The following DYNC2I1 variants were observed in gnomAD, a reference collection of about 807,000 sequenced individuals.
DYNC2I1 encodes dynein 2 intermediate chain 1.
DYNC2I1 carries 89 observed loss-of-function variants against 133.4 expected under a neutral mutation model. That is an observed-to-expected ratio of 0.67 (90% confidence interval 0.56 to 0.80). DYNC2I1 has a LOEUF of 0.80. Among genes scored for constraint, DYNC2I1 ranks in the 30% least tolerant of loss-of-function variants. The probability of loss-of-function intolerance (pLI) is 0.00; values close to 1 mark genes in which losing one functional copy is unlikely to be tolerated. For missense variants in DYNC2I1, 1,291 were observed against 1,314.5 expected (o/e 0.98, Z 0.28); for synonymous variants, 504 against 484.3 (o/e 1.04, Z -0.54).
At chr7:158,849,213 T>G in the DYNC2I1 span, among the ~76,000 whole-genome samples, 10 of 152,306 alleles carry the variant, frequency 6.6e-5, no homozygotes, top group African/African-American at 2.4e-4. Context: ...AACATAAACA[T>G]GTACAGATTG....
At chr7:158,848,794 G>A in the DYNC2I1 span, among the ~76,000 whole-genome samples, 1 of 152,108 alleles carries the variant, frequency 6.6e-6, no homozygotes, top group Admixed American at 6.6e-5. Flanking sequence ...CATGGTGGCA[G>A]GCGCCTGTAG....
At chr7:158,943,952 G>T (rs1851632836) in intron 24 of DYNC2I1, among the ~76,000 whole-genome samples, 1 of 152,198 alleles carries the variant, frequency 6.6e-6, no homozygotes, top group African/African-American at 2.4e-5. Context: ...ACGGGAAAAG[G>T]CTCTGGAAGG....
chr7:158,845,059 TTC>T, the DYNC2I1 span, among the ~76,000 whole-genome samples: 3 of 152,128 alleles, frequency 2.0e-5, no homozygotes, highest in African/African-American at 7.2e-5. Flanking sequence ...ACATGAATAA[TTC>T]TCTCTTTCTC....
In DYNC2I1 at chr7:158,945,529, C is replaced by A. The variant is rs115689205; in HGVS notation, c.3003-52C>A. 7 of 1,531,172 alleles carry A rather than the reference C, an allele frequency of 4.6e-6. No homozygotes were observed. In the Admixed American group the frequency reaches 1.4e-4, roughly 32 times the overall value. 94.8% of individuals were successfully genotyped at this position (1,531,172 alleles called of 1,614,324 possible). A position where few individuals can be genotyped will look rare whatever the true frequency, so the allele number is the denominator to read the frequency against. On this transcript the variant is annotated intron_variant, in intron 24 of 24. Coordinates refer to ENST00000407559, the MANE Select transcript of DYNC2I1 (RefSeq NM_018051.5). The surrounding 1 kb of genome is among the most constrained non-coding windows in gnomAD (Gnocchi z 4.1). ...GACATTTTGAAGACTCAGACAGAACCGAATGTCCCTTTGTGTGCACTGACC... is the reference window on the plus strand; with the variant it reads ...GACATTTTGAAGACTCAGACAGAACAGAATGTCCCTTTGTGTGCACTGACC...
downstream of DYNC2I1, among the ~76,000 whole-genome samples, chr7:158,958,580 C>T (rs546106354): frequency 6.6e-6 from 1 of 152,338 alleles, no homozygotes; most frequent in Admixed American, 6.5e-5. Context: ...TTAAATACAT[C>T]TAAATCCCAC....
intron 11 of DYNC2I1, among the ~76,000 whole-genome samples, chr7:158,907,048 G>A (rs1189392094): frequency 6.6e-6 from 1 of 151,844 alleles, no homozygotes; most frequent in Non-Finnish European, 1.5e-5. Flanking sequence ...CTGAGAGGTC[G>A]AGGCCGCACT....
intron 4 of DYNC2I1, among the ~76,000 whole-genome samples, chr7:158,955,500 C>T (rs1207227105): frequency 6.6e-6 from 1 of 152,194 alleles, no homozygotes; most frequent in Non-Finnish European, 1.5e-5. Context: ...TATAATTCAC[C>T]TCTGTTCAGT....
At chr7:158,899,706 G>A (rs1487364947) in intron 8 of DYNC2I1, among the ~76,000 whole-genome samples, 1 of 152,168 alleles carries the variant, frequency 6.6e-6, no homozygotes, top group Non-Finnish European at 1.5e-5. Context: ...GGGTTTATCA[G>A]GGGTTTCTGC....
At position 158,863,537 on chromosome 7, in the gene DYNC2I1, G is replaced by T. The variant is rs948900545; in HGVS notation, c.16-6318G>T. Among the ~76,000 whole-genome samples the T allele has an allele frequency of 2.6e-5, 4 of 151,564 alleles. No homozygotes were observed. In the East Asian group the frequency reaches 7.8e-4, roughly 30 times the overall value. ...GGTCATAAAGCAGGCTGCTTACTTA[G>T]CTCTGGGTGTGGGAGGAGCGGGACT... On this transcript the variant is annotated intron_variant, in intron 1 of 24. Transcript: ENST00000407559.
intron 6 of DYNC2I1, 71 bp from the exon 7 acceptor site, chr7:158,886,950 T>G (rs1270555366): frequency 1.4e-6 from 2 of 1,406,076 alleles, no homozygotes; most frequent in Non-Finnish European, 2.0e-6. Context: ...TTCACTGATA[T>G]GGAAAATGTT....
At chr7:158,887,663 G>A (rs1844734482) in intron 7 of DYNC2I1, among the ~76,000 whole-genome samples, 2 of 152,222 alleles carry the variant, frequency 1.3e-5, no homozygotes, top group South Asian at 4.1e-4. Context: ...CCTATAGTGA[G>A]TCAAGACATT....
intron 8 of DYNC2I1, among the ~76,000 whole-genome samples, chr7:158,896,186 A>G (rs1404861362): frequency 6.6e-6 from 1 of 152,144 alleles, no homozygotes; most frequent in Non-Finnish European, 1.5e-5. Context: ...TAGTGGGAAA[A>G]CTGAGTTTCT....
chr7:158,948,180 T>C (rs1332584311), downstream of DYNC2I1, among the ~76,000 whole-genome samples: 1 of 152,012 alleles, frequency 6.6e-6, no homozygotes, highest in Admixed American at 6.5e-5. Context: ...CACAGCAGAT[T>C]AGGAAAACAG....
Position 158,864,181 on chromosome 7 carries a change from C to T in DYNC2I1, c.16-5674C>T, listed in dbSNP as rs986858001. Among the ~76,000 whole-genome samples, 5 of 152,138 alleles carry T rather than the reference C, an allele frequency of 3.3e-5. No individual in the cohort carries two copies. In the South Asian group the frequency reaches 1.0e-3, roughly 32 times the overall value. ...GCGGGGAATGAGACGTGACCACTGT[C>T]ACATTTCAGTGGCTCTGGGCCTAAA... is the stretch of plus-strand genomic sequence containing the variant. On this transcript the variant is annotated intron_variant, in intron 1 of 24. Transcript: ENST00000407559.
intron 11 of DYNC2I1, among the ~76,000 whole-genome samples, chr7:158,911,320 G>A (rs554728986): frequency 6.6e-6 from 1 of 152,306 alleles, no homozygotes; most frequent in Non-Finnish European, 1.5e-5. Context: ...CACACACGAG[G>A]CAGTCGGGGA....
At position 158,898,936 on chromosome 7, in the gene DYNC2I1, A is replaced by G. The variant is rs546322456; in HGVS notation, c.1060-2803A>G. Among the ~76,000 whole-genome samples the G allele has an allele frequency of 1.6e-4, 24 of 152,166 alleles. No homozygotes were observed. In the East Asian group the frequency reaches 4.1e-3, roughly 26 times the overall value. On this transcript the variant is annotated intron_variant, in intron 8 of 24. Transcript: ENST00000407559. ...ACAACCAATACAAGTCCACTTTTGA[A>G]TAAGACTGTATCACTCCCATTCCTT...
chr7:158,891,120 T>A, intron 7 of DYNC2I1, 145 bp from the exon 8 acceptor site: 1 of 815,618 alleles, frequency 1.2e-6, no homozygotes, highest in Non-Finnish European at 2.1e-6. Context: ...GGGACCTGCA[T>A]CCCAGAGCGT....
intron 6 of DYNC2I1, 147 bp downstream of exon 6, chr7:158,884,766 C>A: frequency 2.9e-6 from 2 of 691,214 alleles, no homozygotes; most frequent in Non-Finnish European, 4.3e-6. Context: ...TACCCCTTAG[C>A]CCCTCCAAAT....
At chr7:158,909,941 G>A (rs1021493861) in intron 11 of DYNC2I1, among the ~76,000 whole-genome samples, 2 of 152,274 alleles carry the variant, frequency 1.3e-5, no homozygotes, top group Admixed American at 1.3e-4. Context: ...CTGGAGGAGT[G>A]TGAGGTGAAG....
Sources: allele counts gnomAD v4.1 joint callset (sites outside exome capture counted in the v4.1 genomes callset), GRCh38; gene constraint gnomAD v4.1.1; non-coding constraint Gnocchi (gnomAD v3.1); transcripts MANE v1.5; gene names NCBI Gene and HGNC (gene_info 2026-07-23, HGNC 2026-07-21).